CAMTA1: variants seen among roughly 807,000 people sequenced by gnomAD.
The protein encoded by CAMTA1 is calmodulin-binding transcription activator 1.
In CAMTA1, 27 loss-of-function variants were observed where a neutral mutation model predicts 170.9. The ratio of observed to expected loss-of-function variants is 0.16; its 90% confidence interval spans 0.12 to 0.22. The LOEUF is 0.22. CAMTA1 is among the 10% of genes least tolerant of loss of function. The pLI is 1.00. For synonymous variants in CAMTA1, 833 were observed against 891.5 expected (o/e 0.93, Z 1.17); for missense variants, 1,619 against 2,217.2 (o/e 0.73, Z 5.42).
chr1:7,424,061 A>C (rs1445173982), intron 5 of CAMTA1, among the ~76,000 whole-genome samples: 1 of 152,006 alleles, frequency 6.6e-6, no homozygotes, highest in African/African-American at 2.4e-5. Context: ...TGGGCACCTG[A>C]TGGGGGCAGA....
chr1:7,083,090 T>C (rs1189775899), intron 3 of CAMTA1, among the ~76,000 whole-genome samples: 2 of 152,226 alleles, frequency 1.3e-5, no homozygotes, highest in East Asian at 3.8e-4. Context: ...TGGCTGTGGA[T>C]GTTTCTGTGG....
chr1:7,104,130 A>C (rs117979474), intron 4 of CAMTA1, among the ~76,000 whole-genome samples: 1 of 83,654 alleles, frequency 1.2e-5, no homozygotes, highest in Non-Finnish European at 2.6e-5. Context: ...AACACACATA[A>C]CTACACACGT....
chr1:7,158,216 A>G (rs182763987), intron 4 of CAMTA1, among the ~76,000 whole-genome samples: 2 of 152,342 alleles, frequency 1.3e-5, no homozygotes, highest in Non-Finnish European at 2.9e-5. Flanking sequence ...ATGAATCTCA[A>G]AAATGTCATG....
intron 4 of CAMTA1, among the ~76,000 whole-genome samples, chr1:7,162,217 T>C (rs1010770104): frequency 2.0e-5 from 3 of 152,134 alleles, no homozygotes; most frequent in Non-Finnish European, 1.5e-5. Context: ...TGTATGGTCT[T>C]ATAGGTCATG....
At chr1:7,430,136 A>G (rs2092084925) in intron 5 of CAMTA1, among the ~76,000 whole-genome samples, 1 of 151,938 alleles carries the variant, frequency 6.6e-6, no homozygotes, top group South Asian at 2.1e-4. Context: ...CAATGATGGC[A>G]ATGATGGGGA....
At position 7,482,523 on chromosome 1, in the gene CAMTA1, C is replaced by T. The variant is rs1367440214; in HGVS notation, c.510+14622C>T. Among the ~76,000 whole-genome samples the T allele has an allele frequency of 6.6e-6, 1 of 152,188 alleles. No homozygotes were observed. The highest frequency in any genetic ancestry group is 6.5e-5 in the Admixed American group (1 of 15,282). On this transcript the variant is annotated intron_variant, in intron 6 of 22. Transcript: ENST00000303635. This position sits in a 1 kb window ranked among gnomAD's most constrained non-coding sequence, Gnocchi z 4.2. The stretch of plus-strand genomic sequence containing the variant: ...TCCATCCTCCTGAAGAGGGAGAAGA[C>T]ATGCTCTTTAGAGATACAGTTTAAA...
rs1378548847 is a variant in CAMTA1 at position 7,732,382 on chromosome 1, CG to C, written c.2915-65del. ...TTGGATGCTGGTCCCGCAAGGCTGG[CG>C]AGGCCACGTGTTGACTGCTTTTCTT... On this transcript the variant is annotated intron_variant, in intron 11 of 22. Coordinates refer to ENST00000303635, the MANE Select transcript of CAMTA1 (RefSeq NM_015215.4). This position sits in a 1 kb window ranked among gnomAD's most constrained non-coding sequence, Gnocchi z 4.1. The C allele has an allele frequency of 1.4e-6, 2 of 1,434,910 alleles. No homozygotes were observed. The highest frequency in any genetic ancestry group is 3.4e-5 in the Admixed American group (2 of 58,824). The allele number at this position is 1,434,910 out of a possible 1,614,324, so 88.9% of individuals were successfully genotyped here.
chr1:7,471,836 C>T (rs1339746797), intron 6 of CAMTA1, among the ~76,000 whole-genome samples: 2 of 152,234 alleles, frequency 1.3e-5, no homozygotes, highest in African/African-American at 4.8e-5. Flanking sequence ...CCCCTGACCT[C>T]CTCATGTGCC....
At chr1:7,659,596 A>G (rs1005146381) in intron 7 of CAMTA1, among the ~76,000 whole-genome samples, 14 of 152,198 alleles carry the variant, frequency 9.2e-5, no homozygotes, top group Admixed American at 1.3e-4. Flanking sequence ...CTCTACACCC[A>G]GGAACAGAGG....
chr1:7,324,810 A>G (rs2149706249), intron 5 of CAMTA1, among the ~76,000 whole-genome samples: 1 of 151,726 alleles, frequency 6.6e-6, no homozygotes, highest in African/African-American at 2.4e-5. Flanking sequence ...CCATCTCAAA[A>G]AAAAAAAAAA....
intron 3 of CAMTA1, among the ~76,000 whole-genome samples, chr1:7,069,628 G>A (rs1638337895): frequency 6.6e-6 from 1 of 152,114 alleles, no homozygotes; most frequent in South Asian, 2.1e-4. Flanking sequence ...GGGTAGTGGG[G>A]TGCCCGTGAG....
At chr1:7,705,535 G>T (rs1042466478) in intron 11 of CAMTA1, among the ~76,000 whole-genome samples, 1 of 150,368 alleles carries the variant, frequency 6.7e-6, no homozygotes, top group South Asian at 2.1e-4. Context: ...GGGCTGGGGC[G>T]GCGTCGGGGC....
intron 6 of CAMTA1, among the ~76,000 whole-genome samples, chr1:7,542,879 G>GTGTGTGTGTGTGTGT (rs1459264062): frequency 3.6e-5 from 5 of 138,162 alleles, no homozygotes; most frequent in African/African-American, 1.1e-4. Context: ...GTGTGTGTGT[G>GTGTGTGTGTGTGTGT]TTTGAGCCGG....
chr1:7,467,760 G>A (rs2149541470), intron 5 of CAMTA1, 70 bp from the exon 6 acceptor site: 2 of 1,407,908 alleles, frequency 1.4e-6, no homozygotes, highest in East Asian at 2.3e-5. Context: ...CTCCTTCTCT[G>A]TTGCGCCGTC....
intron 4 of CAMTA1, among the ~76,000 whole-genome samples, chr1:7,174,456 A>C (rs1650334315): frequency 6.6e-6 from 1 of 152,188 alleles, no homozygotes; most frequent in Non-Finnish European, 1.5e-5. Context: ...TTTTTCAAAA[A>C]GTCACTGTTT....
At chr1:6,915,287 C>T (rs1045124969) in intron 3 of CAMTA1, among the ~76,000 whole-genome samples, 3 of 152,262 alleles carry the variant, frequency 2.0e-5, no homozygotes, top group Middle Eastern at 3.4e-3. Flanking sequence ...ACTCCAGGAA[C>T]CTAAAAGCCA....
At chr1:7,336,581 G>A (rs933039613) in intron 5 of CAMTA1, among the ~76,000 whole-genome samples, 2 of 152,222 alleles carry the variant, frequency 1.3e-5, no homozygotes, top group Non-Finnish European at 1.5e-5. Context: ...AGGACACTTA[G>A]CAGAGGGAAG....
chr1:6,916,154 C>T (rs1680733693), intron 3 of CAMTA1, among the ~76,000 whole-genome samples: 1 of 152,146 alleles, frequency 6.6e-6, no homozygotes, highest in Admixed American at 6.5e-5. Flanking sequence ...TTCCTCTTTG[C>T]TTTCTCCTGC....
rs1377831630 is a variant in CAMTA1 at position 7,248,527 on chromosome 1, CT to C, written c.303-962del. On this transcript the variant is annotated intron_variant, in intron 4 of 22. Transcript: ENST00000303635. This position sits in a 1 kb window ranked among gnomAD's most constrained non-coding sequence, Gnocchi z 4.0. Reference sequence around the variant, plus strand: ...GGGTGCTGCTAGATTTTGGGGGAGTCTTCCTTGACGTTGGATCTGCCCACAG... The same window carrying C: ...GGGTGCTGCTAGATTTTGGGGGAGTCTCCTTGACGTTGGATCTGCCCACAG... Among the ~76,000 whole-genome samples, 2 of 152,192 alleles carry C rather than the reference CT, an allele frequency of 1.3e-5. No homozygotes were observed. The highest frequency in any genetic ancestry group is 4.8e-5 in the African/African-American group (2 of 41,452).
Sources: gnomAD v4.1 joint callset for allele counts (sites outside exome capture counted in the v4.1 genomes callset) on GRCh38, gnomAD v4.1.1 for gene constraint, Gnocchi (gnomAD v3.1) non-coding constraint, MANE v1.5 for transcripts, NCBI Gene and HGNC (gene_info 2026-07-23, HGNC 2026-07-21) for gene names.